The following C19orf44 variants were observed in gnomAD, a reference collection of about 807,000 sequenced individuals.
C19orf44 encodes the protein chromosome 19 open reading frame 44.
In C19orf44, 43 loss-of-function variants were observed where a neutral mutation model predicts 50.7. That is an observed-to-expected ratio of 0.85 (90% CI 0.66 to 1.09). C19orf44 has a LOEUF of 1.09. Ranked by LOEUF, C19orf44 falls within the 50% of genes least tolerant of loss-of-function variation. The pLI is 0.00. For synonymous variants in C19orf44, 298 were observed against 334.7 expected (o/e 0.89, Z 1.20); for missense variants, 722 against 836.2 (o/e 0.86, Z 1.68).
rs756237345 is a variant in C19orf44, at chr19:16,500,890, A to G, written c.98A>G (p.Asn33Ser). 6.2e-7 allele frequency: 1 copy of G among 1,613,276 alleles called. No individual in the cohort carries two copies. The highest frequency in any genetic ancestry group is 8.5e-7 in the Non-Finnish European group (1 of 1,179,794). Reference protein sequence around the residue: ...LEDSTMEEIRNFQISRNLTKI... With the variant: ...LEDSTMEEIRSFQISRNLTKI... ...GATTCAACAATGGAAGAAATCAGAA[A>G]CTTCCAGATCAGTAGAAATCTTACC... The change falls in exon 2 of 9, where the codon AAC becomes AGC. Residue 33 changes from asparagine (N) to serine (S), a missense_variant. By Grantham distance (46) the Asn-to-Ser change is conservative. Transcript: ENST00000221671.
chr19:16,508,831 T>G (rs1397946676), intron 4 of C19orf44, among the ~76,000 whole-genome samples: 1 of 151,134 alleles, frequency 6.6e-6, no homozygotes, highest in African/African-American at 2.4e-5. Context: ...TGAAATGTTT[T>G]TTTTTTGAGA....
At chr19:16,515,231 G>C (rs1008172585) in intron 7 of C19orf44, among the ~76,000 whole-genome samples, 12 of 152,074 alleles carry the variant, frequency 7.9e-5, no homozygotes, top group Non-Finnish European at 1.6e-4. Context: ...GATGGTGACG[G>C]GCGCCTGTAG....
At position 16,520,078 on chromosome 19, in the gene C19orf44, G is replaced by A; in HGVS notation, c.*41-16G>A. The A allele has an allele frequency of 4.7e-6, 7 of 1,493,520 alleles. No homozygotes were observed. Among genetic ancestry groups the A allele is most frequent in the Non-Finnish European group, 5.6e-6 (6 of 1,080,062 alleles). 92.5% of individuals were successfully genotyped at this position (1,493,520 alleles called of 1,614,324 possible). A position where few individuals can be genotyped will look rare whatever the true frequency, so the allele number is the denominator to read the frequency against. ...CTAACACAGTCTCCTAACCACCAATGTTTCCACATTCACAGCAAAGCACCG... is the reference window on the plus strand; with the variant it reads ...CTAACACAGTCTCCTAACCACCAATATTTCCACATTCACAGCAAAGCACCG... On this transcript the variant is annotated splice_polypyrimidine_tract_variant and intron_variant, in intron 8 of 8. Transcript: ENST00000221671. This position sits in a 1 kb window ranked among gnomAD's most constrained non-coding sequence, Gnocchi z 4.0.
chr19:16,520,727 T>C lies in C19orf44; in HGVS notation c.*674T>C. On this transcript the variant is annotated 3_prime_UTR_variant, in exon 9 of 9. Transcript: ENST00000221671. The surrounding 1 kb of genome is among the most constrained non-coding windows in gnomAD (Gnocchi z 4.0). ...AACACCGCCCCATAGGCACAGGCTG[T>C]GTGAGGGTGGACGTGATGAGTGTAT... 1 of 1,281,682 alleles carries C rather than the reference T, an allele frequency of 7.8e-7. No homozygotes were observed. The highest frequency in any genetic ancestry group is 1.1e-6 in the Non-Finnish European group (1 of 886,618). The allele number at this position is 1,281,682 out of a possible 1,614,324, so 79.4% of individuals were successfully genotyped here.
chr19:16,508,653 C>T (rs369028602), intron 4 of C19orf44, among the ~76,000 whole-genome samples: 8 of 152,124 alleles, frequency 5.3e-5, no homozygotes, highest in East Asian at 1.9e-4. Context: ...TTCAAAGTGC[C>T]GAGATTACAG....
At position 16,503,193 on chromosome 19, in the gene C19orf44, A is replaced by C. The variant is rs1243905238; in HGVS notation, c.888A>C (p.Ala296=). The C allele has an allele frequency of 2.5e-6, 4 of 1,614,146 alleles. No individual in the cohort carries two copies. In the South Asian group the frequency reaches 4.4e-5, roughly 18 times the overall value. The change falls in exon 3 of 9, where the codon GCA becomes GCC. Residue 296 remains alanine, a synonymous_variant. Coordinates refer to ENST00000221671, the MANE Select transcript of C19orf44 (RefSeq NM_032207.4). ...DRTLHSTRSR[A]DYPQSHVSSD... is the part of the protein sequence containing the mutation. ...CCCTTCACAGCACTCGCTCAAGAGC[A>C]GACTACCCACAGAGTCACGTTTCCA...
chr19:16,513,846 C>T (rs2122218638), intron 6 of C19orf44, among the ~76,000 whole-genome samples: 1 of 152,300 alleles, frequency 6.6e-6, no homozygotes, highest in Admixed American at 6.5e-5. Context: ...ACAAAGGCTC[C>T]AGTCCAGCCT....
At position 16,519,132 on chromosome 19, in the gene C19orf44, C is replaced by T; in HGVS notation, c.*41-962C>T. 2 of 1,599,856 alleles carry T rather than the reference C, an allele frequency of 1.3e-6. No homozygotes were observed. The highest frequency in any genetic ancestry group is 1.7e-6 in the Non-Finnish European group (2 of 1,173,426). ...AGGTCCCACAGCCGGCACCGCTGGC[C>T]ACCGGCGCGGCTCCCGGCATGGGCG... is the stretch of plus-strand genomic sequence containing the variant. On this transcript the variant is annotated intron_variant, in intron 8 of 8. Transcript: ENST00000221671. This position sits in a 1 kb window ranked among gnomAD's most constrained non-coding sequence, Gnocchi z 6.0.
At chr19:16,511,478 A>G (rs1469261538) in intron 5 of C19orf44, among the ~76,000 whole-genome samples, 1 of 152,128 alleles carries the variant, frequency 6.6e-6, no homozygotes, top group Non-Finnish European at 1.5e-5. Context: ...ATGAGCCACC[A>G]TGCCTGGCCT....
At position 16,520,103 on chromosome 19, in the gene C19orf44, G is replaced by A. The variant is rs138855076; in HGVS notation, c.*50G>A. 34 of 1,573,700 alleles carry A rather than the reference G, an allele frequency of 2.2e-5. No individual in the cohort carries two copies. The highest frequency in any genetic ancestry group is 9.4e-5 in the African/African-American group (7 of 74,102). ...GTTTCCACATTCACAGCAAAGCACCGCAGCTTCCCAGAGTTACCAGCGCAG... is the reference window on the plus strand; with the variant it reads ...GTTTCCACATTCACAGCAAAGCACCACAGCTTCCCAGAGTTACCAGCGCAG... On this transcript the variant is annotated 3_prime_UTR_variant, in exon 9 of 9. Transcript: ENST00000221671. This position sits in a 1 kb window ranked among gnomAD's most constrained non-coding sequence, Gnocchi z 4.0.
rs780327720 is a variant in C19orf44 at position 16,501,303 on chromosome 19, A to G, written c.511A>G (p.Ser171Gly). The G allele has an allele frequency of 6.2e-7, 1 of 1,614,234 alleles. No homozygotes were observed. ...TENNAQNAKVSRFLKKKQAPV... is the reference protein window; with the variant it reads ...TENNAQNAKVGRFLKKKQAPV... The stretch of plus-strand genomic sequence containing the variant: ...AAATAATGCACAGAACGCGAAGGTC[A>G]GTAGGTTTCTAAAGAAGAAACAAGC... The change falls in exon 2 of 9, where the codon AGT (serine) becomes GGT (glycine). Residue 171 changes from serine to glycine, a missense_variant. Physicochemically the swap from Ser to Gly is moderately conservative, Grantham distance 56 (BLOSUM62 0). Transcript: ENST00000221671.
At position 16,521,099 on chromosome 19, in the gene C19orf44, G is replaced by A; in HGVS notation, c.*1046G>A. ...AGGGCTGTCCTCCTGCAGCCCAGTGGCTCCTCTGGTGCCCACGCCCTTGCC... is the reference window on the plus strand; with the variant it reads ...AGGGCTGTCCTCCTGCAGCCCAGTGACTCCTCTGGTGCCCACGCCCTTGCC... On this transcript the variant is annotated 3_prime_UTR_variant, in exon 9 of 9. Coordinates refer to ENST00000221671, the MANE Select transcript of C19orf44 (RefSeq NM_032207.4). The A allele has an allele frequency of 1.6e-6, 1 of 627,982 alleles. No individual in the cohort carries two copies. Among genetic ancestry groups the A allele is most frequent in the Non-Finnish European group, 2.9e-6 (1 of 348,264 alleles). 38.9% of individuals were successfully genotyped at this position (627,982 alleles called of 1,614,324 possible). A position where few individuals can be genotyped will look rare whatever the true frequency, so the allele number is the denominator to read the frequency against.
Position 16,520,591 on chromosome 19 carries a change from C to T in C19orf44, c.*538C>T. 1 of 1,474,430 alleles carries T rather than the reference C, an allele frequency of 6.8e-7. No homozygotes were observed. The highest frequency in any genetic ancestry group is 1.3e-5 in the South Asian group (1 of 78,520). 91.3% of individuals were successfully genotyped at this position (1,474,430 alleles called of 1,614,324 possible). A position where few individuals can be genotyped will look rare whatever the true frequency, so the allele number is the denominator to read the frequency against. On this transcript the variant is annotated 3_prime_UTR_variant, in exon 9 of 9. Coordinates refer to ENST00000221671, the MANE Select transcript of C19orf44 (RefSeq NM_032207.4). This position sits in a 1 kb window ranked among gnomAD's most constrained non-coding sequence, Gnocchi z 4.0. Reference sequence around the variant, plus strand: ...CTGGCCCTCAGGTTCCTAGACCACCCCAGATGCAGGGGCTCTGGCTGTGGA... The same window carrying T: ...CTGGCCCTCAGGTTCCTAGACCACCTCAGATGCAGGGGCTCTGGCTGTGGA...
intron 6 of C19orf44, among the ~76,000 whole-genome samples, 190 bp downstream of exon 6, chr19:16,513,299 T>C (rs1487222867): frequency 6.6e-6 from 1 of 152,180 alleles, no homozygotes; most frequent in Non-Finnish European, 1.5e-5. Flanking sequence ...TTGAACCTTC[T>C]GTCTCTTGCA....
At chr19:16,512,696 T>C (rs1271542279) in intron 5 of C19orf44, among the ~76,000 whole-genome samples, 2 of 151,884 alleles carry the variant, frequency 1.3e-5, no homozygotes, top group African/African-American at 4.8e-5. Context: ...AGGGAGACCC[T>C]GTCTCTACAA....
At chr19:16,513,378 G>A (rs2093463206) in intron 6 of C19orf44, among the ~76,000 whole-genome samples, 2 of 152,076 alleles carry the variant, frequency 1.3e-5, no homozygotes, top group Admixed American at 1.3e-4. Flanking sequence ...ACCCCAACAA[G>A]GCCACTTTTT....
In C19orf44 at chr19:16,520,517, G is replaced by A; in HGVS notation, c.*464G>A. On this transcript the variant is annotated 3_prime_UTR_variant, in exon 9 of 9. Transcript: ENST00000221671. The surrounding 1 kb of genome is among the most constrained non-coding windows in gnomAD (Gnocchi z 4.0). ...AGACCTCGAGGGTCCGCTGTGGGGA[G>A]AGGCCTGATGATCAGGTGCCCCAGT... 1.2e-6 allele frequency: 2 copies of A among 1,607,208 alleles called. No homozygotes were observed. Among genetic ancestry groups the A allele is most frequent in the Non-Finnish European group, 1.7e-6 (2 of 1,176,366 alleles).
rs1052904203 is a variant in C19orf44, at chr19:16,519,453, G to C, written c.*41-641G>C. On this transcript the variant is annotated intron_variant, in intron 8 of 8. Coordinates refer to ENST00000221671, the MANE Select transcript of C19orf44 (RefSeq NM_032207.4). This position sits in a 1 kb window ranked among gnomAD's most constrained non-coding sequence, Gnocchi z 6.0. Reference sequence around the variant, plus strand: ...GACAGGCAGTGTAGACATGGGAAATGGGTAGAGAGAACCCGCAGGCCGGCC... The same window carrying C: ...GACAGGCAGTGTAGACATGGGAAATCGGTAGAGAGAACCCGCAGGCCGGCC... 2.2e-6 allele frequency: 3 copies of C among 1,363,364 alleles called. No individual in the cohort carries two copies. The African/African-American group carries it at 4.3e-5, about 20-fold the overall frequency. The allele number at this position is 1,363,364 out of a possible 1,614,324, so 84.5% of individuals were successfully genotyped here. A position where few individuals can be genotyped will look rare whatever the true frequency, so the allele number is the denominator to read the frequency against.
chr19:16,521,082 C>T lies in C19orf44; in HGVS notation c.*1029C>T. On this transcript the variant is annotated 3_prime_UTR_variant, in exon 9 of 9. Coordinates refer to ENST00000221671, the MANE Select transcript of C19orf44 (RefSeq NM_032207.4). Reference sequence around the variant, plus strand: ...TGGTTCAGTGTTCCCACAGGGCTGTCCTCCTGCAGCCCAGTGGCTCCTCTG... The same window carrying T: ...TGGTTCAGTGTTCCCACAGGGCTGTTCTCCTGCAGCCCAGTGGCTCCTCTG... 1 of 643,688 alleles carries T rather than the reference C, an allele frequency of 1.6e-6. No individual in the cohort carries two copies. Among genetic ancestry groups the T allele is most frequent in the Non-Finnish European group, 2.8e-6 (1 of 357,400 alleles). The allele number at this position is 643,688 out of a possible 1,614,324, so 39.9% of individuals were successfully genotyped here.
Sources: gnomAD v4.1 joint callset for allele counts (sites outside exome capture counted in the v4.1 genomes callset) on GRCh38, gnomAD v4.1.1 for gene constraint, Gnocchi (gnomAD v3.1) non-coding constraint, MANE v1.5 for transcripts, NCBI Gene and HGNC (gene_info 2026-07-23, HGNC 2026-07-21) for gene names.